The following ANKRD28 variants were observed in gnomAD, a reference collection of about 807,000 sequenced individuals.
ANKRD28 encodes serine/threonine-protein phosphatase 6 regulatory ankyrin repeat subunit A.
A neutral mutation model predicts 126.5 loss-of-function variants in ANKRD28; 44 were observed. That is an observed-to-expected ratio of 0.35 (90% CI 0.27 to 0.45). ANKRD28 has a LOEUF of 0.45. Ranked by LOEUF, ANKRD28 falls within the 20% of genes least tolerant of loss-of-function variation. The pLI is 1.00. For missense variants in ANKRD28, 1,110 were observed against 1,316.6 expected, an observed-to-expected ratio of 0.84 and a Z score of 2.43; for synonymous variants, 442 against 468.5, an observed-to-expected ratio of 0.94 and a Z score of 0.73.
intron 21 of ANKRD28, 66 bp from the exon 22 acceptor site, chr3:15,679,629 T>C: frequency 7.9e-7 from 1 of 1,268,122 alleles, no homozygotes; most frequent in Non-Finnish European, 1.1e-6. Flanking sequence ...CACAGGTACA[T>C]GTAAGTGTTT....
At chr3:15,780,426 CAAAT>C (rs1486941359) in intron 2 of ANKRD28, among the ~76,000 whole-genome samples, 8 of 151,910 alleles carry the variant, frequency 5.3e-5, no homozygotes, top group African/African-American at 1.9e-4. Flanking sequence ...GAAGAAAACA[CAAAT>C]AAATGAGAAG....
At chr3:15,851,281 T>C (rs933763536) in intron 1 of ANKRD28, among the ~76,000 whole-genome samples, 1 of 151,992 alleles carries the variant, frequency 6.6e-6, no homozygotes, top group Non-Finnish European at 1.5e-5. Flanking sequence ...ACCTGTAATC[T>C]TAGCACTTTG....
At chr3:15,670,665 A>G in intron 27 of ANKRD28, 109 bp from the exon 28 acceptor site, 1 of 1,121,962 alleles carries the variant, frequency 8.9e-7, no homozygotes, top group East Asian at 2.6e-5. Flanking sequence ...TACATTACTT[A>G]GCTTATAATA....
At chr3:15,702,497 T>TAA (rs1454885345) in intron 14 of ANKRD28, among the ~76,000 whole-genome samples, 2 of 152,232 alleles carry the variant, frequency 1.3e-5, no homozygotes, top group Non-Finnish European at 2.9e-5. Flanking sequence ...AAAAAATATT[T>TAA]AAGGCTAAAC....
At chr3:15,744,012 C>T (rs1439647854) in intron 4 of ANKRD28, among the ~76,000 whole-genome samples, 4 of 152,190 alleles carry the variant, frequency 2.6e-5, no homozygotes, top group Admixed American at 2.0e-4. Flanking sequence ...CAAAAGCCAC[C>T]TACAGGTGAA....
At chr3:15,825,626 T>C (rs774532116) in intron 1 of ANKRD28, among the ~76,000 whole-genome samples, 2 of 152,094 alleles carry the variant, frequency 1.3e-5, no homozygotes, top group Non-Finnish European at 1.5e-5. Context: ...CCATAAAAGA[T>C]TGATAAGAAT....
At chr3:15,763,585 G>A (rs1331888460) in intron 3 of ANKRD28, among the ~76,000 whole-genome samples, 3 of 152,228 alleles carry the variant, frequency 2.0e-5, no homozygotes, top group Non-Finnish European at 4.4e-5. Context: ...TAGTGGTAGT[G>A]ACCAAGGAAG....
chr3:15,703,719 T>C lies in ANKRD28; in HGVS notation c.1547+4205A>G, dbSNP rs569886754. Among the ~76,000 whole-genome samples the C allele has an allele frequency of 3.7e-3, 563 of 152,316 alleles. 2 individuals carry two copies. The highest frequency in any genetic ancestry group is 6.8e-3 in the Non-Finnish European group (461 of 68,024). On this transcript the variant is annotated intron_variant, in intron 14 of 27. Coordinates refer to ENST00000683139, the MANE Select transcript of ANKRD28 (RefSeq NM_001349278.2). ...GAGAATTGTTATTGCGAAGTTACGA[T>C]GTTGCTGAAACAAATATCTAAAATG...
intron 1 of ANKRD28, among the ~76,000 whole-genome samples, chr3:15,825,153 AT>A (rs1291333775): frequency 2.0e-5 from 3 of 152,188 alleles, no homozygotes; most frequent in Non-Finnish European, 4.4e-5. Flanking sequence ...TTTTTATGGA[AT>A]GATTTAAGGA....
intron 6 of ANKRD28, among the ~76,000 whole-genome samples, chr3:15,729,714 C>T (rs1463322396): frequency 6.6e-6 from 1 of 151,934 alleles, no homozygotes; most frequent in African/African-American, 2.4e-5. Context: ...AAAATTAAGC[C>T]AAGATACTGC....
intron 1 of ANKRD28, among the ~76,000 whole-genome samples, chr3:15,803,000 T>C (rs747243395): frequency 2.0e-5 from 3 of 152,180 alleles, no homozygotes; most frequent in Non-Finnish European, 2.9e-5. Context: ...AAGGAACTAA[T>C]GGGTGGCCCA....
At chr3:15,760,468 G>C (rs1353633633) in intron 3 of ANKRD28, among the ~76,000 whole-genome samples, 1 of 152,122 alleles carries the variant, frequency 6.6e-6, no homozygotes, top group Non-Finnish European at 1.5e-5. Flanking sequence ...TTTCTGTTCT[G>C]CAAAGAGGCA....
At chr3:15,762,199 A>AC (rs1276938190) in intron 3 of ANKRD28, among the ~76,000 whole-genome samples, 55 of 30,132 alleles carry the variant, frequency 1.8e-3, no homozygotes, top group South Asian at 6.8e-3. Flanking sequence ...AAAAAAAAAA[A>AC]AAAAAAAAAA....
chr3:15,829,100 T>C (rs1342143664), intron 1 of ANKRD28, among the ~76,000 whole-genome samples: 2 of 152,188 alleles, frequency 1.3e-5, no homozygotes, highest in Non-Finnish European at 2.9e-5. Context: ...CCCAAAAAGT[T>C]TTGCTTATGA....
chr3:15,693,460 A>T (rs1264398190), intron 17 of ANKRD28, among the ~76,000 whole-genome samples: 1 of 152,170 alleles, frequency 6.6e-6, no homozygotes, highest in Non-Finnish European at 1.5e-5. Flanking sequence ...TAAGGAAACA[A>T]CATCATTAAA....
chr3:15,850,204 A>ATATATATATATATATATATATAT (rs1553650054), intron 1 of ANKRD28, among the ~76,000 whole-genome samples: 2 of 54,834 alleles, frequency 3.6e-5, no homozygotes, highest in South Asian at 6.4e-4. Context: ...AAAAAAAAAA[A>ATATATATATATATATATATATAT]ATATATATAT....
At chr3:15,701,005 C>A in intron 14 of ANKRD28, among the ~76,000 whole-genome samples, 1 of 152,136 alleles carries the variant, frequency 6.6e-6, no homozygotes, top group East Asian at 1.9e-4. Flanking sequence ...TCAAATACGT[C>A]TACCCAAATA....
chr3:15,724,566 T>G (rs1270060983), intron 6 of ANKRD28, 42 bp from the exon 7 acceptor site: 1 of 1,507,712 alleles, frequency 6.6e-7, no homozygotes, highest in South Asian at 1.2e-5. Flanking sequence ...GATGAGCATA[T>G]GAAAACTATT....
intron 3 of ANKRD28, among the ~76,000 whole-genome samples, chr3:15,761,474 A>G (rs1028785224): frequency 7.2e-5 from 11 of 152,182 alleles, no homozygotes; most frequent in Non-Finnish European, 1.5e-4. Flanking sequence ...TGATGGATCC[A>G]GAATTTAAAA....
Sources: gnomAD v4.1 joint callset for allele counts (sites outside exome capture counted in the v4.1 genomes callset) on GRCh38, gnomAD v4.1.1 for gene constraint, MANE v1.5 for transcripts, NCBI Gene and HGNC (gene_info 2026-07-23, HGNC 2026-07-21) for gene names.